Variants in ANKRD46 observed in about 807,000 individuals in gnomAD.
ANKRD46 encodes the protein ankyrin repeat domain-containing protein 46.
Under a neutral mutation model 19.8 loss-of-function variants are expected in ANKRD46, and 13 were observed. The ratio of observed to expected loss-of-function variants is 0.66; its 90% CI spans 0.43 to 1.04. The LOEUF (loss-of-function observed/expected upper bound fraction) is 1.04. ANKRD46 is among the 50% of genes least tolerant of loss of function. ANKRD46 has a pLI of 0.00. For synonymous variants in ANKRD46, 91 were observed against 106.9 expected (o/e 0.85, Z 0.92); for missense variants, 185 against 274.8 (o/e 0.67, Z 2.31).
In ANKRD46 at chr8:100,558,774, G is replaced by T. The variant is rs1449503302; in HGVS notation, c.-131+937C>A. Among the ~76,000 whole-genome samples, 3 of 152,054 alleles carry T rather than the reference G, an allele frequency of 2.0e-5. No homozygotes were observed. The East Asian group carries it at 5.8e-4, about 29-fold the overall frequency. On this transcript the variant is annotated intron_variant, in intron 1 of 4. Transcript: ENST00000335659. The stretch of plus-strand genomic sequence containing the variant: ...CAGCCTTTGCTAGCTTTCTGACCTT[G>T]GAGAAGTCAGACTCTCGGTGCCTCA...
chr8:100,539,929 A>G (rs1173326102), intron 1 of ANKRD46, among the ~76,000 whole-genome samples: 1 of 152,200 alleles, frequency 6.6e-6, no homozygotes, highest in Non-Finnish European at 1.5e-5. Flanking sequence ...TTCATATAAT[A>G]ATTAAAACTC....
At chr8:100,531,412 T>C (rs577093131) in intron 2 of ANKRD46, among the ~76,000 whole-genome samples, 34 of 152,252 alleles carry the variant, frequency 2.2e-4, no homozygotes, top group South Asian at 4.2e-4. Flanking sequence ...CCCCTATTCC[T>C]TTCAACTTGG....
intron 3 of ANKRD46, among the ~76,000 whole-genome samples, chr8:100,528,422 G>T (rs1266976760): frequency 6.6e-6 from 1 of 151,664 alleles, no homozygotes; most frequent in African/African-American, 2.4e-5. Context: ...ATCACCAAGG[G>T]GAAAAAAAGG....
At chr8:100,518,634 G>A (rs975894566), downstream of ANKRD46, among the ~76,000 whole-genome samples, 3 of 152,054 alleles carry the variant, frequency 2.0e-5, no homozygotes, top group African/African-American at 7.2e-5. Flanking sequence ...GGTGGATCAC[G>A]AGGTCAGGAG....
intron 1 of ANKRD46, among the ~76,000 whole-genome samples, chr8:100,539,125 T>C (rs769094376): frequency 9.9e-5 from 15 of 152,250 alleles, no homozygotes; most frequent in Non-Finnish European, 1.9e-4. Context: ...CTTTGCTCAC[T>C]GCAAAACTTC....
At chr8:100,519,196 C>T (rs1811682660), downstream of ANKRD46, among the ~76,000 whole-genome samples, 1 of 152,188 alleles carries the variant, frequency 6.6e-6, no homozygotes, top group Non-Finnish European at 1.5e-5. Context: ...CCTAAGTCAA[C>T]CTGTGTAAGG....
In ANKRD46 at chr8:100,510,874, T is replaced by C. The variant is rs1399782005; in HGVS notation, c.637-235A>G. Reference sequence around the variant, plus strand: ...AGATTGGCAAGGACTGTGTTCAATGTCCTCTCGAGCTAATAATTAAGGTAT... The same window carrying C: ...AGATTGGCAAGGACTGTGTTCAATGCCCTCTCGAGCTAATAATTAAGGTAT... On this transcript the variant is annotated intron_variant, in intron 5 of 5. Coordinates refer to the ANKRD46 transcript ENST00000520552. This position sits in a 1 kb window ranked among gnomAD's most constrained non-coding sequence, Gnocchi z 4.9. Among the ~76,000 whole-genome samples, 1 of 152,126 alleles carries C rather than the reference T, an allele frequency of 6.6e-6. No individual in the cohort carries two copies. The highest frequency in any genetic ancestry group is 1.9e-4 in the East Asian group (1 of 5,184).
At position 100,521,949 on chromosome 8, in the gene ANKRD46, AT is replaced by A. The variant is rs1456862941; in HGVS notation, c.*605del. The stretch of plus-strand genomic sequence containing the variant: ...TAAAAACAAATAAATATAAGATCAA[AT>A]CAATTATCTTTGAACAAAATATAGC... On this transcript the variant is annotated 3_prime_UTR_variant, in exon 5 of 5. Transcript: ENST00000335659. 1 of 982,398 alleles carries A rather than the reference AT, an allele frequency of 1.0e-6. No homozygotes were observed. The highest frequency in any genetic ancestry group is 1.2e-6 in the Non-Finnish European group (1 of 827,142). The allele number at this position is 982,398 out of a possible 1,614,324, so 60.9% of individuals were successfully genotyped here.
intron 3 of ANKRD46, 101 bp from the exon 4 acceptor site, chr8:100,528,104 T>C: frequency 2.4e-6 from 3 of 1,268,178 alleles, no homozygotes; most frequent in Non-Finnish European, 3.1e-6. Flanking sequence ...CTTATATAGA[T>C]CTCAGTGAAG....
intron 5 of ANKRD46, among the ~76,000 whole-genome samples, chr8:100,512,293 C>T (rs1386984074): frequency 6.6e-6 from 1 of 152,152 alleles, no homozygotes; most frequent in African/African-American, 2.4e-5. Context: ...TACCTTCAAG[C>T]CTCTCTTCCA....
At chr8:100,541,150 A>G (rs1812167615) in intron 1 of ANKRD46, among the ~76,000 whole-genome samples, 1 of 151,548 alleles carries the variant, frequency 6.6e-6, no homozygotes, top group South Asian at 2.1e-4. Context: ...TTTCCTTTTA[A>G]AAAAACTTTT....
chr8:100,545,103 T>C lies in ANKRD46; in HGVS notation c.-130-11792A>G, dbSNP rs535063749. Among the ~76,000 whole-genome samples, 2 of 152,142 alleles carry C rather than the reference T, an allele frequency of 1.3e-5. No homozygotes were observed. Among genetic ancestry groups the C allele is most frequent in the Non-Finnish European group, 2.9e-5 (2 of 68,030 alleles). On this transcript the variant is annotated intron_variant, in intron 1 of 4. Coordinates refer to ENST00000335659, the MANE Select transcript of ANKRD46 (RefSeq NM_001270377.2). The surrounding 1 kb of genome is among the most constrained non-coding windows in gnomAD (Gnocchi z 4.7). ...ACTTTTGGAGGCAGAGGTGGGAGAA[T>C]TGCTTGAGCCCAGGCATTCGAGACA... is the stretch of plus-strand genomic sequence containing the variant.
chr8:100,534,190 C>T lies in ANKRD46; in HGVS notation c.-130-879G>A, dbSNP rs1812018597. Among the ~76,000 whole-genome samples the T allele has an allele frequency of 6.6e-6, 1 of 152,150 alleles. No individual in the cohort carries two copies. Among genetic ancestry groups the T allele is most frequent in the African/African-American group, 2.4e-5 (1 of 41,424 alleles). On this transcript the variant is annotated intron_variant, in intron 1 of 4. Transcript: ENST00000335659. This position sits in a 1 kb window ranked among gnomAD's most constrained non-coding sequence, Gnocchi z 4.2. Reference sequence around the variant, plus strand: ...TCATCCTTGTTCATTGTTATCAAATCCCTGTGAACAAATTTATATAGGGAA... The same window carrying T: ...TCATCCTTGTTCATTGTTATCAAATTCCTGTGAACAAATTTATATAGGGAA...
chr8:100,547,425 C>T (rs1330118862), intron 1 of ANKRD46, among the ~76,000 whole-genome samples: 1 of 152,182 alleles, frequency 6.6e-6, no homozygotes, highest in Non-Finnish European at 1.5e-5. Flanking sequence ...TCACCTTCCA[C>T]AGGGATTCTA....
intron 1 of ANKRD46, among the ~76,000 whole-genome samples, chr8:100,540,595 A>G (rs1339485476): frequency 6.6e-6 from 1 of 152,184 alleles, no homozygotes; most frequent in Non-Finnish European, 1.5e-5. Flanking sequence ...TTCTTTCTCC[A>G]TCAGGAAATC....
rs370360496 is a variant in ANKRD46 at position 100,528,001 on chromosome 8, T to C, written c.314A>G (p.Asn105Ser). 6.8e-5 allele frequency: 97 copies of C among 1,425,344 alleles called. 1 individual carries two copies. Among genetic ancestry groups the C allele is most frequent in the Middle Eastern group, 5.8e-4 (3 of 5,204 alleles). 88.3% of individuals were successfully genotyped at this position (1,425,344 alleles called of 1,614,324 possible). A position where few individuals can be genotyped will look rare whatever the true frequency, so the allele number is the denominator to read the frequency against. Residue 105 changes from asparagine to serine, a missense_variant and splice_region_variant, in exon 4 of 5, where the codon AAT becomes AGT. By Grantham distance (46) the Asn-to-Ser change is conservative. Transcript: ENST00000335659. ...AACTAAAGGGGTAGCACCTTGATGA[T>C]TGCTAAAAAAAAAAAAAAAAAAAAA... ...VSNGLKIDIC[N>S]HQGATPLVLA...
At chr8:100,512,825 T>C (rs1021697200) in intron 5 of ANKRD46, among the ~76,000 whole-genome samples, 2 of 152,228 alleles carry the variant, frequency 1.3e-5, no homozygotes, top group African/African-American at 4.8e-5. Flanking sequence ...GGATGTGCAT[T>C]GGGCATTGTA....
chr8:100,529,980 CAAACAGAA>C lies in ANKRD46; in HGVS notation c.-27-128_-27-121del, dbSNP rs1811925117. 2 of 617,284 alleles carry C rather than the reference CAAACAGAA, an allele frequency of 3.2e-6. No individual in the cohort carries two copies. Among genetic ancestry groups the C allele is most frequent in the African/African-American group, 3.7e-5 (2 of 54,138 alleles). 38.2% of individuals were successfully genotyped at this position (617,284 alleles called of 1,614,324 possible). ...CTCCTGCCTCTAATAAATAAATGAC[CAAACAGAA>C]ACAACAACAAAGTTATCAATTGTAT... On this transcript the variant is annotated intron_variant, in intron 2 of 4. Coordinates refer to ENST00000335659, the MANE Select transcript of ANKRD46 (RefSeq NM_001270377.2). This position sits in a 1 kb window ranked among gnomAD's most constrained non-coding sequence, Gnocchi z 5.8.
At chr8:100,553,104 C>T (rs776410647) in intron 1 of ANKRD46, among the ~76,000 whole-genome samples, 17 of 152,210 alleles carry the variant, frequency 1.1e-4, no homozygotes, top group Non-Finnish European at 1.9e-4. Flanking sequence ...AGATTGAACA[C>T]TGACTGAGAG....
Sources: allele counts gnomAD v4.1 joint callset (sites outside exome capture counted in the v4.1 genomes callset), GRCh38; gene constraint gnomAD v4.1.1; non-coding constraint Gnocchi (gnomAD v3.1); transcripts MANE v1.5; gene names NCBI Gene and HGNC (gene_info 2026-07-23, HGNC 2026-07-21).